SOX5: variants seen among roughly 807,000 people sequenced by gnomAD.
SOX5 encodes the protein transcription factor SOX-5.
SOX5 carries 9 observed loss-of-function variants against 92.0 expected under a neutral mutation model. The ratio of observed to expected loss-of-function variants is 0.10; its 90% CI spans 0.06 to 0.17. SOX5 has a LOEUF of 0.17. SOX5 is among the 10% of genes least tolerant of loss of function. SOX5 has a pLI of 1.00. For synonymous variants in SOX5, 344 were observed against 336.3 expected (o/e 1.02, Z -0.25); for missense variants, 642 against 944.5 (o/e 0.68, Z 4.20).
At position 24,308,012 on chromosome 12, in the gene SOX5, C is replaced by T. The variant is rs535621741; in HGVS notation, c.-173-30700G>A. On this transcript the variant is annotated intron_variant, in intron 2 of 4. Transcript: ENST00000446891. ...GGTCACAGCTGGTACCAGGAAAAGGCAGTCTCCCAGTAGAAAAAAAAAAAC... is the reference window on the plus strand; with the variant it reads ...GGTCACAGCTGGTACCAGGAAAAGGTAGTCTCCCAGTAGAAAAAAAAAAAC... Among the ~76,000 whole-genome samples the T allele has an allele frequency of 2.7e-5, 4 of 150,160 alleles. No individual in the cohort carries two copies. In the East Asian group the frequency reaches 7.8e-4, roughly 29 times the overall value.
At chr12:23,647,955 C>T (rs971237279) in intron 7 of SOX5, among the ~76,000 whole-genome samples, 5 of 152,204 alleles carry the variant, frequency 3.3e-5, no homozygotes, top group Admixed American at 6.5e-5. Flanking sequence ...CCTTTGCATT[C>T]GCAACTTGTC....
At chr12:24,018,207 T>C (rs1369856059) in intron 4 of SOX5, among the ~76,000 whole-genome samples, 1 of 152,204 alleles carries the variant, frequency 6.6e-6, no homozygotes, top group Non-Finnish European at 1.5e-5. Context: ...TTCTAAAACA[T>C]TCTAAAAGTG....
At chr12:24,233,955 T>C (rs764166176) in intron 3 of SOX5, among the ~76,000 whole-genome samples, 1 of 152,218 alleles carries the variant, frequency 6.6e-6, no homozygotes, top group Non-Finnish European at 1.5e-5. Context: ...CACAACTTGC[T>C]TTCCAAACTA....
chr12:23,917,535 A>C (rs2138670146), intron 1 of SOX5, among the ~76,000 whole-genome samples: 1 of 152,308 alleles, frequency 6.6e-6, no homozygotes, highest in African/African-American at 2.4e-5. Flanking sequence ...CCTGGGTGAA[A>C]GAATGAGACG....
intron 7 of SOX5, among the ~76,000 whole-genome samples, chr12:23,654,445 A>T (rs2082064491): frequency 6.6e-6 from 1 of 152,100 alleles, no homozygotes; most frequent in Non-Finnish European, 1.5e-5. Flanking sequence ...TGGTCATTGT[A>T]TCCACTAGAA....
At chr12:24,375,908 T>C (rs1957217002) in intron 1 of SOX5, among the ~76,000 whole-genome samples, 1 of 152,200 alleles carries the variant, frequency 6.6e-6, no homozygotes, top group Non-Finnish European at 1.5e-5. Context: ...AGTCTTTTTT[T>C]TTCTTTCCAC....
intron 4 of SOX5, among the ~76,000 whole-genome samples, chr12:24,055,091 T>A (rs1957967767): frequency 6.6e-6 from 1 of 152,212 alleles, no homozygotes; most frequent in African/African-American, 2.4e-5. Context: ...GCTTTTATTT[T>A]CAATAAAATG....
At position 23,881,182 on chromosome 12, in the gene SOX5, G is replaced by A. The variant is rs186082299; in HGVS notation, c.270+14611C>T. On this transcript the variant is annotated intron_variant, in intron 2 of 14. Transcript: ENST00000451604. ...TAATTTAGTATGACAAGATAAAGCC[G>A]TAATCTCAGCTCCTGGAGGCTGTAA... 1.2e-3 allele frequency among the ~76,000 whole-genome samples: 179 copies of A among 152,208 alleles called. 1 individual carries two copies. Among genetic ancestry groups the A allele is most frequent in the African/African-American group, 3.7e-3 (152 of 41,518 alleles).
chr12:23,977,192 T>C (rs916625070), intron 4 of SOX5, among the ~76,000 whole-genome samples: 1 of 152,200 alleles, frequency 6.6e-6, no homozygotes, highest in Non-Finnish European at 1.5e-5. Context: ...TTTCAATATT[T>C]CATTGAAGCC....
chr12:24,420,203 CTCTG>C (rs1463247741), intron 1 of SOX5, among the ~76,000 whole-genome samples: 3 of 152,172 alleles, frequency 2.0e-5, no homozygotes, highest in African/African-American at 7.2e-5. Flanking sequence ...CATACAATAG[CTCTG>C]TCTATTTAGG....
intron 4 of SOX5, among the ~76,000 whole-genome samples, chr12:24,198,887 T>C (rs976635439): frequency 3.3e-5 from 5 of 152,162 alleles, no homozygotes; most frequent in Non-Finnish European, 7.4e-5. Flanking sequence ...CCTTTTATAC[T>C]TGGGCTCTGG....
intron 7 of SOX5, among the ~76,000 whole-genome samples, chr12:23,641,803 C>T (rs993607617): frequency 9.2e-5 from 14 of 152,090 alleles, no homozygotes; most frequent in Admixed American, 8.5e-4. Flanking sequence ...AATAATAGAA[C>T]AATTTTGTAA....
chr12:23,877,946 C>A (rs1223222751), intron 2 of SOX5, among the ~76,000 whole-genome samples: 1 of 151,610 alleles, frequency 6.6e-6, no homozygotes, highest in Non-Finnish European at 1.5e-5. Context: ...TTTTCTTATG[C>A]TTTTCGGGTT....
At chr12:23,867,069 A>C (rs2096822513) in intron 2 of SOX5, among the ~76,000 whole-genome samples, 1 of 139,956 alleles carries the variant, frequency 7.1e-6, no homozygotes, top group South Asian at 2.1e-4. Flanking sequence ...AAGCTTTAAA[A>C]CATGGCATAG....
chr12:24,119,491 T>C (rs2138296296), intron 4 of SOX5, among the ~76,000 whole-genome samples: 1 of 152,246 alleles, frequency 6.6e-6, no homozygotes, highest in African/African-American at 2.4e-5. Flanking sequence ...GCAAGAATCA[T>C]ACCTTAAACG....
intron 1 of SOX5, among the ~76,000 whole-genome samples, chr12:24,433,431 C>A (rs1938759765): frequency 6.6e-6 from 1 of 152,106 alleles, no homozygotes; most frequent in Non-Finnish European, 1.5e-5. Context: ...TTGATAAGAG[C>A]ACTCACTTGA....
In SOX5 at chr12:24,196,438, A is replaced by G. The variant is rs536879892; in HGVS notation, c.-2+16905T>C. Among the ~76,000 whole-genome samples the G allele has an allele frequency of 2.6e-5, 4 of 152,344 alleles. No homozygotes were observed. The South Asian group carries it at 8.3e-4, about 32-fold the overall frequency. ...TTTTACTGAAATAAACTCTATGGAC[A>G]GGTCTTGTATATACAACAGCATTTT... On this transcript the variant is annotated intron_variant, in intron 4 of 4. Transcript: ENST00000446891.
chr12:24,130,348 A>C (rs1015671983), intron 4 of SOX5, among the ~76,000 whole-genome samples: 2 of 152,196 alleles, frequency 1.3e-5, no homozygotes, highest in African/African-American at 4.8e-5. Flanking sequence ...AATGAGTAAG[A>C]AATATATTGA....
chr12:23,652,221 T>C (rs1006514696), intron 7 of SOX5, among the ~76,000 whole-genome samples: 1 of 152,076 alleles, frequency 6.6e-6, no homozygotes, highest in Non-Finnish European at 1.5e-5. Context: ...TTAATGATTT[T>C]CTTCTTCTCT....
Sources: allele counts gnomAD v4.1 joint callset (sites outside exome capture counted in the v4.1 genomes callset), GRCh38; gene constraint gnomAD v4.1.1; transcripts MANE v1.5; gene names NCBI Gene and HGNC (gene_info 2026-07-23, HGNC 2026-07-21).